Variants in SLC6A9 observed in about 807,000 individuals in gnomAD.
SLC6A9 encodes solute carrier family 6 member 9, also known as sodium- and chloride-dependent glycine transporter 1.
A neutral mutation model predicts 70.9 loss-of-function variants in SLC6A9; 31 were observed. The ratio of observed to expected loss-of-function variants is 0.44; its 90% CI spans 0.33 to 0.59. The LOEUF is 0.59. Ranked by LOEUF, SLC6A9 falls within the 20% of genes least tolerant of loss-of-function variation. The probability of loss-of-function intolerance (pLI) is 0.04; values close to 1 mark genes in which losing one functional copy is unlikely to be tolerated. For synonymous variants in SLC6A9, 310 were observed against 341.3 expected, an observed-to-expected ratio of 0.91 and a Z score of 1.01; for missense variants, 631 against 845.2, an observed-to-expected ratio of 0.75 and a Z score of 3.14.
intron 2 of SLC6A9, chr1:44,014,486 C>T (rs1332853698): frequency 1.3e-5 from 2 of 152,220 alleles, no homozygotes; most frequent in Middle Eastern, 3.4e-3. Context: ...TCAGATGTTC[C>T]CTTACCCTTA....
intron 1 of SLC6A9, among the ~76,000 whole-genome samples, chr1:44,029,549 A>G (rs1195584679): frequency 6.6e-6 from 1 of 151,904 alleles, no homozygotes; most frequent in African/African-American, 2.4e-5. Flanking sequence ...ACCTATCCCA[A>G]TGCTATTATC....
At chr1:44,015,376 G>A (rs1421412691) in intron 2 of SLC6A9, among the ~76,000 whole-genome samples, 1 of 152,194 alleles carries the variant, frequency 6.6e-6, no homozygotes, top group African/African-American at 2.4e-5. Flanking sequence ...GGTGGACACT[G>A]AGGAATCCTG....
intron 1 of SLC6A9, among the ~76,000 whole-genome samples, chr1:44,024,804 A>T (rs2086951813): frequency 6.6e-6 from 1 of 152,178 alleles, no homozygotes; most frequent in African/African-American, 2.4e-5. Flanking sequence ...TGTGGGCTCC[A>T]GGGCAGCTGG....
intron 2 of SLC6A9, chr1:44,014,877 C>G (rs1386026785): frequency 6.6e-6 from 1 of 152,112 alleles, no homozygotes; most frequent in African/African-American, 2.4e-5. Flanking sequence ...GATAACCTCA[C>G]TATCAGACAA....
At chr1:44,001,659 C>G (rs1395769888) in intron 8 of SLC6A9, 32 bp from the exon 9 acceptor site, 4 of 1,551,996 alleles carry the variant, frequency 2.6e-6, no homozygotes, top group Non-Finnish European at 2.6e-6. Context: ...TTCAGCTTCC[C>G]TCTCCCCAAT....
In SLC6A9 at chr1:44,017,022, C is replaced by T. The variant is rs568671601; in HGVS notation, c.31-6140G>A. The stretch of plus-strand genomic sequence containing the variant: ...AGCCTGCCTGGCACCAAGGAGGGGG[C>T]TCAACTTCCTGGAAGGTGACTGACC... On this transcript the variant is annotated intron_variant, in intron 2 of 13. Transcript: ENST00000372310. 12 of 1,564,768 alleles carry T rather than the reference C, an allele frequency of 7.7e-6. No individual in the cohort carries two copies. The Admixed American group carries it at 8.0e-5, about 10-fold the overall frequency.
rs151007652 is a variant in SLC6A9 at position 44,000,788 on chromosome 1, G to A, written c.1515C>T (p.Phe505=). The A allele has an allele frequency of 1.8e-5, 29 of 1,609,676 alleles. No homozygotes were observed. The highest frequency in any genetic ancestry group is 2.2e-5 in the South Asian group (2 of 90,442). The stretch of plus-strand genomic sequence containing the variant: ...TCACGAAGATGATGGCGGGAGAGAC[G>A]AAGCGCCAGCAGATCTGAAAGAAGA... ...PPLFFQICWR[F]VSPAIIFFIL... is the part of the protein sequence containing the mutation. The change falls in exon 12 of 14, where the codon TTC becomes TTT. Residue 505 remains phenylalanine, a synonymous_variant. Transcript: ENST00000372310.
chr1:44,011,607 C>T, intron 2 of SLC6A9: 2 of 1,613,978 alleles, frequency 1.2e-6, no homozygotes, highest in Non-Finnish European at 1.7e-6. Flanking sequence ...GGGAAGGAGA[C>T]CAGAGTTGTA....
intron 2 of SLC6A9, chr1:44,014,768 C>G (rs2086685024): frequency 6.6e-6 from 1 of 152,114 alleles, no homozygotes; most frequent in Non-Finnish European, 1.5e-5. Context: ...GGTGAGAGCC[C>G]TGGTGCTCTA....
At position 43,997,468 on chromosome 1, in the gene SLC6A9, A is replaced by G; in HGVS notation, c.*77T>C. ...AGGGCGTGGCAGGGGGCAGGCAGAG[A>G]CACCTGGCCTCTGCCTCACCAGTCT... is the stretch of plus-strand genomic sequence containing the variant. On this transcript the variant is annotated 3_prime_UTR_variant, in exon 14 of 14. Coordinates refer to ENST00000372310, the MANE Select transcript of SLC6A9 (RefSeq NM_001024845.3). This position sits in a 1 kb window ranked among gnomAD's most constrained non-coding sequence, Gnocchi z 4.4. The G allele has an allele frequency of 7.6e-7, 1 of 1,320,504 alleles. No individual in the cohort carries two copies. The highest frequency in any genetic ancestry group is 1.1e-6 in the Non-Finnish European group (1 of 930,716). 81.8% of individuals were successfully genotyped at this position (1,320,504 alleles called of 1,614,324 possible).
At position 44,002,939 on chromosome 1, in the gene SLC6A9, C is replaced by T. The variant is rs2086174779; in HGVS notation, c.637G>A (p.Val213Met). 1 of 1,614,086 alleles carries T rather than the reference C, an allele frequency of 6.2e-7. No individual in the cohort carries two copies. Among genetic ancestry groups the T allele is most frequent in the Admixed American group, 1.7e-5 (1 of 60,028 alleles). ...LSDDIGNFGE[V>M]RLPLLGCLGV... ...AGGCAGCCAAGGAGGGGCAGCCGCA[C>T]CTCCCCAAAGTTCCCAATGTCATCT... Residue 213 changes from valine (V) to methionine (M), a missense_variant, in exon 6 of 14, where the codon GTG becomes ATG. Val to Met is a conservative substitution (Grantham distance 21). Coordinates refer to ENST00000372310, the MANE Select transcript of SLC6A9 (RefSeq NM_001024845.3). The surrounding 1 kb of genome is among the most constrained non-coding windows in gnomAD (Gnocchi z 5.5).
intron 1 of SLC6A9, among the ~76,000 whole-genome samples, chr1:44,028,815 AGAAG>A (rs3038834): frequency 4.7e-4 from 71 of 151,238 alleles, no homozygotes; most frequent in South Asian, 2.9e-3. Flanking sequence ...AAGGAAGGAA[AGAAG>A]GAAGGAAGGA....
intron 2 of SLC6A9, among the ~76,000 whole-genome samples, chr1:44,012,681 G>T (rs1017574258): frequency 7.9e-5 from 12 of 152,234 alleles, no homozygotes; most frequent in African/African-American, 2.4e-4. Flanking sequence ...CTTTAGATGT[G>T]GCTTCAGGGT....
intron 2 of SLC6A9, among the ~76,000 whole-genome samples, chr1:44,023,095 AG>A (rs1377437924): frequency 6.6e-6 from 1 of 152,132 alleles, no homozygotes; most frequent in Non-Finnish European, 1.5e-5. Context: ...TAGAGACACC[AG>A]GCCAATGACT....
chr1:44,008,331 C>G (rs759305156), intron 5 of SLC6A9, 22 bp downstream of exon 5: 3 of 1,611,838 alleles, frequency 1.9e-6, no homozygotes, highest in South Asian at 1.1e-5. Context: ...TCCCCCCACC[C>G]CAGGTCCTGC....
rs199558856 is a variant in SLC6A9 at position 44,008,453 on chromosome 1, T to G, written c.490A>C (p.Asn164His). The G allele has an allele frequency of 3.3e-5, 54 of 1,614,138 alleles. No individual in the cohort carries two copies. The highest frequency in any genetic ancestry group is 2.0e-4 in the Admixed American group (12 of 60,024). Residue 164 changes from asparagine (N) to histidine (H), a missense_variant, in exon 5 of 14, where the codon AAC becomes CAC. Coordinates refer to ENST00000372310, the MANE Select transcript of SLC6A9 (RefSeq NM_001024845.3). ...HDCAGVLDAS[N>H]LTNGSRPAAL... ...GCTGGCCGAGAGCCATTGGTGAGGT[T>G]GGAGGCGTCCAGTACACCGGCGCAG...
chr1:43,997,234 G>A lies in SLC6A9; in HGVS notation c.*311C>T, dbSNP rs201443634. On this transcript the variant is annotated 3_prime_UTR_variant, in exon 14 of 14. Coordinates refer to ENST00000372310, the MANE Select transcript of SLC6A9 (RefSeq NM_001024845.3). This position sits in a 1 kb window ranked among gnomAD's most constrained non-coding sequence, Gnocchi z 4.4. ...AACCTCAGCTCAGGGCAGGGTATAA[G>A]GGTATCGGAGGCCACGTAAAGCCAT... The A allele has an allele frequency of 6.5e-4, 253 of 391,374 alleles. 2 individuals carry two copies. Among genetic ancestry groups the A allele is most frequent in the South Asian group, 6.5e-3 (244 of 37,778 alleles). 24.2% of individuals were successfully genotyped at this position (391,374 alleles called of 1,614,324 possible).
intron 12 of SLC6A9, 26 bp downstream of exon 12, chr1:44,000,741 A>G: frequency 7.1e-7 from 1 of 1,398,764 alleles, no homozygotes; most frequent in Non-Finnish European, 1.0e-6. Context: ...CAGCGGGGGA[A>G]GGGAGGGGCC....
chr1:44,012,560 A>G (rs1489628185), intron 2 of SLC6A9, among the ~76,000 whole-genome samples: 3 of 152,224 alleles, frequency 2.0e-5, no homozygotes, highest in Non-Finnish European at 4.4e-5. Flanking sequence ...ATTTATTGAC[A>G]CTGGCTATGT....
Sources: gnomAD v4.1 joint callset for allele counts (sites outside exome capture counted in the v4.1 genomes callset) on GRCh38, gnomAD v4.1.1 for gene constraint, Gnocchi (gnomAD v3.1) non-coding constraint, MANE v1.5 for transcripts, NCBI Gene and HGNC (gene_info 2026-07-23, HGNC 2026-07-21) for gene names.